The following TBC1D5 variants were observed in gnomAD, a reference collection of about 807,000 sequenced individuals.
TBC1D5 encodes the protein TBC1 domain family, member 5.
Under a neutral mutation model 100.3 loss-of-function variants are expected in TBC1D5, and 75 were observed. The ratio of observed to expected loss-of-function variants is 0.75; its 90% CI spans 0.62 to 0.91. TBC1D5 has a LOEUF of 0.91. Ranked by LOEUF, TBC1D5 falls within the 40% of genes least tolerant of loss-of-function variation. TBC1D5 has a pLI of 0.00. For synonymous variants in TBC1D5, 323 were observed against 325.6 expected, an observed-to-expected ratio of 0.99 and a Z score of 0.09; for missense variants, 910 against 942.4, an observed-to-expected ratio of 0.97 and a Z score of 0.45.
At chr3:17,681,921 C>A (rs2069531324) in intron 1 of TBC1D5, among the ~76,000 whole-genome samples, 3 of 151,536 alleles carry the variant, frequency 2.0e-5, no homozygotes, top group African/African-American at 7.4e-5. Flanking sequence ...GATTCTCATA[C>A]GAATGCAAAC....
chr3:17,533,258 C>G (rs1244730489), intron 2 of TBC1D5, among the ~76,000 whole-genome samples: 1 of 152,132 alleles, frequency 6.6e-6, no homozygotes. Context: ...CTTCATTTGA[C>G]CATTTAATGC....
At chr3:17,255,196 T>C (rs960684850) in intron 16 of TBC1D5, among the ~76,000 whole-genome samples, 1 of 152,042 alleles carries the variant, frequency 6.6e-6, no homozygotes, top group Non-Finnish European at 1.5e-5. Flanking sequence ...AATGGCCACT[T>C]AGGATCTTGT....
At chr3:17,217,755 C>T (rs2073827208) in intron 17 of TBC1D5, among the ~76,000 whole-genome samples, 1 of 152,016 alleles carries the variant, frequency 6.6e-6, no homozygotes, top group African/African-American at 2.4e-5. Flanking sequence ...TTCATATGTT[C>T]TGGGTGCAAG....
Position 17,231,719 on chromosome 3 carries a change from T to C in TBC1D5, c.1588+6444A>G, listed in dbSNP as rs76290453. ...TTCTTGGTACTCTTCAGGGAATATG[T>C]TGAGGAAGACAAAAAGTGACTTCCC... On this transcript the variant is annotated intron_variant, in intron 17 of 21. Transcript: ENST00000253692. Among the ~76,000 whole-genome samples the C allele has an allele frequency of 8.9e-3, 1,355 of 152,244 alleles. 16 individuals carry two copies. Among genetic ancestry groups the C allele is most frequent in the African/African-American group, 0.031 (1,276 of 41,540 alleles).
intron 3 of TBC1D5, among the ~76,000 whole-genome samples, chr3:17,500,943 A>G (rs546175687): frequency 6.7e-6 from 1 of 149,582 alleles, no homozygotes; most frequent in Admixed American, 6.6e-5. Context: ...ATTTAGAGGA[A>G]CTAGGCTTGG....
At chr3:17,698,193 AGATATAG>A (rs2153852918) in intron 1 of TBC1D5, among the ~76,000 whole-genome samples, 1 of 152,380 alleles carries the variant, frequency 6.6e-6, no homozygotes, top group East Asian at 1.9e-4. Flanking sequence ...CCCAAAACAG[AGATATAG>A]ATCAATGGAA....
At chr3:17,386,316 G>T (rs2093151742) in intron 8 of TBC1D5, among the ~76,000 whole-genome samples, 1 of 151,998 alleles carries the variant, frequency 6.6e-6, no homozygotes, top group South Asian at 2.1e-4. Context: ...CTGTGTAGCT[G>T]TTATAATCTA....
chr3:17,339,677 T>G (rs1382809127), intron 13 of TBC1D5, among the ~76,000 whole-genome samples: 1 of 152,226 alleles, frequency 6.6e-6, no homozygotes, highest in African/African-American at 2.4e-5. Context: ...TGTGTACATA[T>G]GTACACACAC....
At chr3:17,261,694 T>C (rs912355102) in intron 15 of TBC1D5, among the ~76,000 whole-genome samples, 3 of 152,172 alleles carry the variant, frequency 2.0e-5, no homozygotes, top group African/African-American at 7.2e-5. Flanking sequence ...GATAATTCTT[T>C]TATTGTTTTG....
intron 1 of TBC1D5, among the ~76,000 whole-genome samples, chr3:17,738,678 C>G (rs2077158942): frequency 6.6e-6 from 1 of 152,084 alleles, no homozygotes; most frequent in East Asian, 1.9e-4. Flanking sequence ...CATGGCAGAG[C>G]TGGTATGTCC....
At chr3:17,456,843 A>G (rs1376338754) in intron 3 of TBC1D5, among the ~76,000 whole-genome samples, 1 of 152,248 alleles carries the variant, frequency 6.6e-6, no homozygotes, top group Non-Finnish European at 1.5e-5. Flanking sequence ...TACATGCTAT[A>G]AAATGGTTGA....
At position 17,321,704 on chromosome 3, in the gene TBC1D5, AAG is replaced by A. The variant is rs145838553; in HGVS notation, c.996-13572_996-13571del. On this transcript the variant is annotated intron_variant, in intron 13 of 21. Transcript: ENST00000253692. ...TTGATTTCCTTTTAGTACAAGAGTA[AAG>A]AGAGTTTTATGATTTTCTGTGCTAG... is the stretch of plus-strand genomic sequence containing the variant. 7.0e-3 allele frequency among the ~76,000 whole-genome samples: 1,069 copies of A among 152,300 alleles called. 11 individuals are homozygous for A. The highest frequency in any genetic ancestry group is 0.024 in the African/African-American group (984 of 41,584).
chr3:17,685,880 GAAT>G (rs970831949), intron 1 of TBC1D5, among the ~76,000 whole-genome samples: 4 of 152,142 alleles, frequency 2.6e-5, no homozygotes, highest in Non-Finnish European at 5.9e-5. Context: ...TTCTGCAGGA[GAAT>G]AATAAGAAGA....
intron 1 of TBC1D5, among the ~76,000 whole-genome samples, chr3:17,721,620 C>T (rs1248417932): frequency 1.3e-5 from 2 of 151,938 alleles, no homozygotes; most frequent in East Asian, 1.9e-4. Context: ...TGCAGTGAAC[C>T]GAGATTGTGC....
chr3:17,190,235 C>A (rs2069695491), intron 18 of TBC1D5, among the ~76,000 whole-genome samples: 1 of 151,940 alleles, frequency 6.6e-6, no homozygotes, highest in Non-Finnish European at 1.5e-5. Flanking sequence ...TAAAACATGG[C>A]CACTGAAAAA....
At chr3:17,373,718 A>T (rs1437051519) in intron 12 of TBC1D5, among the ~76,000 whole-genome samples, 1 of 152,106 alleles carries the variant, frequency 6.6e-6, no homozygotes, top group African/African-American at 2.4e-5. Flanking sequence ...TGAACACTGA[A>T]AACACTATGC....
At chr3:17,690,542 G>T (rs1193097669) in intron 1 of TBC1D5, among the ~76,000 whole-genome samples, 1 of 151,880 alleles carries the variant, frequency 6.6e-6, no homozygotes, top group Non-Finnish European at 1.5e-5. Context: ...TTATAACAGG[G>T]TTCTCCAACC....
chr3:17,194,977 T>A (rs2070458113), intron 18 of TBC1D5, among the ~76,000 whole-genome samples: 1 of 152,242 alleles, frequency 6.6e-6, no homozygotes, highest in Non-Finnish European at 1.5e-5. Context: ...AACCTTTAAT[T>A]AGGACCAACT....
At chr3:17,224,137 T>C (rs1355542557) in intron 17 of TBC1D5, among the ~76,000 whole-genome samples, 1 of 152,186 alleles carries the variant, frequency 6.6e-6, no homozygotes, top group Non-Finnish European at 1.5e-5. Flanking sequence ...GCTTCTTGTA[T>C]TCAATTACTA....
Sources: allele counts gnomAD v4.1 joint callset (sites outside exome capture counted in the v4.1 genomes callset), GRCh38; gene constraint gnomAD v4.1.1; transcripts MANE v1.5; gene names NCBI Gene and HGNC (gene_info 2026-07-23, HGNC 2026-07-21).